Variants in LINGO2 observed in about 807,000 individuals in gnomAD.
The protein encoded by LINGO2 is leucine rich repeat and Ig domain containing 2.
Under a neutral mutation model 30.6 loss-of-function variants are expected in LINGO2, and 14 were observed. The ratio of observed to expected loss-of-function variants is 0.46; its 90% CI spans 0.30 to 0.72. LINGO2 has a LOEUF of 0.72. LINGO2 is among the 30% of genes least tolerant of loss of function. LINGO2 has a pLI of 0.07. For missense variants in LINGO2, 729 were observed against 751.7 expected, an observed-to-expected ratio of 0.97 and a Z score of 0.35; for synonymous variants, 317 against 288.5, an observed-to-expected ratio of 1.10 and a Z score of -1.00.
intron 5 of LINGO2, among the ~76,000 whole-genome samples, chr9:27,989,640 A>T (rs1325265478): frequency 6.6e-6 from 1 of 152,014 alleles, no homozygotes; most frequent in Admixed American, 6.6e-5. Context: ...ATGATTATGC[A>T]CAGCTGGAAC....
intron 1 of LINGO2, among the ~76,000 whole-genome samples, chr9:28,529,868 C>T (rs1821164015): frequency 6.6e-6 from 1 of 151,870 alleles, no homozygotes; most frequent in Non-Finnish European, 1.5e-5. Flanking sequence ...ATTTAAATAG[C>T]AAAATTAAAA....
At chr9:29,017,146 C>T in the LINGO2 span, among the ~76,000 whole-genome samples, 22,599 of 147,886 alleles carry the variant, frequency 0.15, 2,065 homozygotes, top group South Asian at 0.21. Context: ...AGCTTGCTTG[C>T]TGTTTTTTGC....
chr9:28,430,823 T>C (rs73644040), intron 2 of LINGO2, among the ~76,000 whole-genome samples: 139 of 152,162 alleles, frequency 9.1e-4, no homozygotes, highest in African/African-American at 3.2e-3. Flanking sequence ...TCTCATTACA[T>C]TGTGGTCAAG....
the LINGO2 span, among the ~76,000 whole-genome samples, chr9:28,936,827 T>A: frequency 6.6e-6 from 1 of 152,188 alleles, no homozygotes; most frequent in African/African-American, 2.4e-5. Context: ...ACAGACTGGA[T>A]GGCTTAAGCA....
At chr9:28,017,974 T>G (rs1212010849) in intron 4 of LINGO2, among the ~76,000 whole-genome samples, 1 of 152,012 alleles carries the variant, frequency 6.6e-6, no homozygotes, top group Non-Finnish European at 1.5e-5. Context: ...ATCCATAGAG[T>G]AACCAAAACA....
the LINGO2 span, among the ~76,000 whole-genome samples, chr9:28,919,811 G>T: frequency 1.9e-3 from 289 of 152,160 alleles, 1 homozygote; most frequent in African/African-American, 6.6e-3. Flanking sequence ...GCTATGGCAG[G>T]CCCACACAAC....
At chr9:28,016,811 G>A (rs1822864692) in intron 4 of LINGO2, among the ~76,000 whole-genome samples, 2 of 151,630 alleles carry the variant, frequency 1.3e-5, no homozygotes, top group South Asian at 4.1e-4. Flanking sequence ...AAAAAATTGA[G>A]GAGGAAGGAC....
the LINGO2 span, among the ~76,000 whole-genome samples, chr9:28,708,091 A>G: frequency 6.6e-6 from 1 of 152,160 alleles, no homozygotes; most frequent in African/African-American, 2.4e-5. Context: ...AGTCTACTAA[A>G]TGGAACTTTG....
chr9:28,753,265 G>A, the LINGO2 span, among the ~76,000 whole-genome samples: 2 of 151,958 alleles, frequency 1.3e-5, no homozygotes, highest in African/African-American at 2.4e-5. Flanking sequence ...ACACCTCAAT[G>A]CTTCTCCAAA....
At chr9:29,205,827 A>C in the LINGO2 span, among the ~76,000 whole-genome samples, 8 of 152,346 alleles carry the variant, frequency 5.3e-5, no homozygotes, top group Admixed American at 1.3e-4. Context: ...CCATCAGCAC[A>C]ATCCCATTAC....
At chr9:28,604,433 A>C (rs957760335) in intron 1 of LINGO2, among the ~76,000 whole-genome samples, 13 of 152,060 alleles carry the variant, frequency 8.5e-5, no homozygotes, top group African/African-American at 3.1e-4. Flanking sequence ...CTACTGAAGC[A>C]GGGCAAAATG....
intron 4 of LINGO2, among the ~76,000 whole-genome samples, chr9:28,172,042 A>AC (rs1166184434): frequency 1.4e-5 from 2 of 143,814 alleles, no homozygotes; most frequent in Non-Finnish European, 3.0e-5. Context: ...AACAAAAAAA[A>AC]AAACCCAGCA....
chr9:28,959,830 T>A, the LINGO2 span, among the ~76,000 whole-genome samples: 1 of 152,182 alleles, frequency 6.6e-6, no homozygotes, highest in African/African-American at 2.4e-5. Flanking sequence ...ACATTTTGGA[T>A]GTTAGAGCTC....
chr9:28,531,410 A>AT (rs1465638897), intron 1 of LINGO2, among the ~76,000 whole-genome samples: 1 of 151,884 alleles, frequency 6.6e-6, no homozygotes, highest in East Asian at 1.9e-4. Flanking sequence ...CTTTGTCTAC[A>AT]TTTTTTCAAT....
chr9:28,745,456 C>A, the LINGO2 span, among the ~76,000 whole-genome samples: 2 of 151,980 alleles, frequency 1.3e-5, no homozygotes, highest in South Asian at 2.1e-4. Context: ...ATGCCAAATT[C>A]TTTCTGTTCA....
the LINGO2 span, among the ~76,000 whole-genome samples, chr9:28,996,410 G>C: frequency 6.6e-6 from 1 of 152,044 alleles, no homozygotes; most frequent in Non-Finnish European, 1.5e-5. Context: ...CTACAGATCA[G>C]GAATCATACC....
chr9:28,357,644 A>G (rs555717504), intron 3 of LINGO2, among the ~76,000 whole-genome samples: 14 of 152,256 alleles, frequency 9.2e-5, no homozygotes, highest in African/African-American at 3.1e-4. Context: ...TACCCTGAAC[A>G]AATGAAAAGC....
the LINGO2 span, among the ~76,000 whole-genome samples, chr9:28,964,621 T>G: frequency 0.018 from 2,689 of 152,032 alleles, 28 homozygotes; most frequent in Non-Finnish European, 0.026. Context: ...AAACAGATCA[T>G]TGTAGAGACA....
chr9:28,606,101 A>C (rs940228649), intron 1 of LINGO2, among the ~76,000 whole-genome samples: 1 of 152,030 alleles, frequency 6.6e-6, no homozygotes, highest in African/African-American at 2.4e-5. Flanking sequence ...ATAAAAACCC[A>C]GGATCCCTTT....
Sources: allele counts gnomAD v4.1 joint callset (sites outside exome capture counted in the v4.1 genomes callset), GRCh38; gene constraint gnomAD v4.1.1; transcripts MANE v1.5; gene names NCBI Gene and HGNC (gene_info 2026-07-23, HGNC 2026-07-21).